Variants in PHC2 observed in about 807,000 individuals in gnomAD.
PHC2 encodes the protein polyhomeotic homolog 2, also known as polyhomeotic-like protein 2.
A neutral mutation model predicts 87.4 loss-of-function variants in PHC2; 29 were observed. That is an observed-to-expected ratio of 0.33 (90% CI 0.25 to 0.45). PHC2 has a LOEUF of 0.45. Ranked by LOEUF, PHC2 falls within the 20% of genes least tolerant of loss-of-function variation. PHC2 has a pLI of 1.00. For missense variants in PHC2, 857 were observed against 1,136.7 expected, an observed-to-expected ratio of 0.75 and a Z score of 3.54; for synonymous variants, 438 against 461.7, an observed-to-expected ratio of 0.95 and a Z score of 0.66.
At chr1:33,359,660 ATAT>A (rs1647159008) in intron 7 of PHC2, among the ~76,000 whole-genome samples, 1 of 152,260 alleles carries the variant, frequency 6.6e-6, no homozygotes, top group Non-Finnish European at 1.5e-5. Context: ...AATTTGGTAA[ATAT>A]TATGATAGGT....
chr1:33,361,319 C>T (rs1267058672), intron 7 of PHC2, among the ~76,000 whole-genome samples: 3 of 152,122 alleles, frequency 2.0e-5, no homozygotes, highest in Admixed American at 2.0e-4. Context: ...TCAAGGAGGA[C>T]ATAAAGACAC....
In PHC2 at chr1:33,355,184, A is replaced by T; in HGVS notation, c.1046T>A (p.Val349Glu). 2 of 1,608,074 alleles carry T rather than the reference A, an allele frequency of 1.2e-6. No homozygotes were observed. The highest frequency in any genetic ancestry group is 1.7e-6 in the Non-Finnish European group (2 of 1,177,124). The change falls in exon 8 of 15, where the codon GTG becomes GAG. Residue 349 changes from valine to glutamate, a missense_variant. By Grantham distance (121) the Val-to-Glu change is moderately radical (BLOSUM62 -2). Transcript: ENST00000683057. Reference protein sequence around the residue: ...PSSKHLQPQFVIQQQPQPQQQ... With the variant: ...PSSKHLQPQFEIQQQPQPQQQ... ...TTGTGGCTGTGGCTGCTGCTGGATC[A>T]CAAATTGGGGCTGCAGGTGCTTTGA...
intron 1 of PHC2, among the ~76,000 whole-genome samples, chr1:33,391,936 G>T (rs1410965215): frequency 6.6e-6 from 1 of 152,148 alleles, no homozygotes; most frequent in Non-Finnish European, 1.5e-5. Flanking sequence ...TGTAAGGGCA[G>T]GGTCATTGCT....
intron 9 of PHC2, chr1:33,335,083 T>C (rs41265893): frequency 0.026 from 13,040 of 497,080 alleles, 221 homozygotes; most frequent in Non-Finnish European, 0.031. Context: ...GTGGACAACC[T>C]TTCCTAATTC....
chr1:33,325,909 T>C (rs1272530261), intron 14 of PHC2: 4 of 456,644 alleles, frequency 8.8e-6, no homozygotes, highest in Non-Finnish European at 1.8e-5. Flanking sequence ...TAAGGTGCTT[T>C]GAGAGACTGT....
rs1411571089 is a variant in PHC2 at position 33,407,480 on chromosome 1, G to T, written c.-55+23496C>A. On this transcript the variant is annotated intron_variant, in intron 1 of 14. Coordinates refer to ENST00000683057, the MANE Select transcript of PHC2 (RefSeq NM_001385109.1). ...CCTAGTCTATCTATGTCAAAAGTTT[G>T]AGGTTCCCTGGACTACCTGAGTAAC... Among the ~76,000 whole-genome samples, 3 of 152,282 alleles carry T rather than the reference G, an allele frequency of 2.0e-5. No individual in the cohort carries two copies. The East Asian group carries it at 5.8e-4, about 29-fold the overall frequency.
rs1646568524 is a variant in PHC2 at position 33,334,063 on chromosome 1, A to G, written c.1761+27T>C. 4 of 1,568,162 alleles carry G rather than the reference A, an allele frequency of 2.6e-6. No homozygotes were observed. Among genetic ancestry groups the G allele is most frequent in the South Asian group, 1.2e-5 (1 of 84,596 alleles). ...GACACATCCAAAATATACTTAAAAAAAAAAGGGGAAAAGAAGTAGTCCGTA... is the reference window on the plus strand; with the variant it reads ...GACACATCCAAAATATACTTAAAAAGAAAAGGGGAAAAGAAGTAGTCCGTA... On this transcript the variant is annotated intron_variant, in intron 10 of 14. Coordinates refer to ENST00000683057, the MANE Select transcript of PHC2 (RefSeq NM_001385109.1). This position sits in a 1 kb window ranked among gnomAD's most constrained non-coding sequence, Gnocchi z 5.5.
chr1:33,354,985 G>C lies in PHC2; in HGVS notation c.1245C>G (p.His415Gln), dbSNP rs1296938100. ...LPLQCPTANL[H>Q]KPGGSQQCHP... ...GACACTGCTGACTGCCGCCAGGCTT[G>C]TGCAGGTTGGCAGTGGGACACTGGA... Residue 415 changes from histidine to glutamine, a missense_variant, in exon 8 of 15, where the codon CAC becomes CAG. Physicochemically the swap from His to Gln is conservative, Grantham distance 24 (BLOSUM62 0). Coordinates refer to ENST00000683057, the MANE Select transcript of PHC2 (RefSeq NM_001385109.1). 8.7e-6 allele frequency: 14 copies of C among 1,614,098 alleles called. No individual in the cohort carries two copies. The highest frequency in any genetic ancestry group is 1.2e-5 in the Non-Finnish European group (14 of 1,180,058).
At position 33,332,553 on chromosome 1, in the gene PHC2, G is replaced by A; in HGVS notation, c.1762-149C>T. 1 of 952,110 alleles carries A rather than the reference G, an allele frequency of 1.1e-6. No individual in the cohort carries two copies. Among genetic ancestry groups the A allele is most frequent in the Non-Finnish European group, 1.6e-6 (1 of 622,362 alleles). 59.0% of individuals were successfully genotyped at this position (952,110 alleles called of 1,614,324 possible). ...CCCCATGTCATCATCCAAGTGTGCTGGGCTCAAGGCCCTATTTTGCTGGTT... is the reference window on the plus strand; with the variant it reads ...CCCCATGTCATCATCCAAGTGTGCTAGGCTCAAGGCCCTATTTTGCTGGTT... On this transcript the variant is annotated intron_variant, in intron 10 of 14. Transcript: ENST00000683057. This position sits in a 1 kb window ranked among gnomAD's most constrained non-coding sequence, Gnocchi z 4.2.
chr1:33,331,249 G>A lies in PHC2; in HGVS notation c.2006+99C>T, dbSNP rs990793313. ...TGGGTCGAGGAACTAGGAAACTGGA[G>A]AAGCCACCCCTATGGACCTCCTGGG... On this transcript the variant is annotated intron_variant, in intron 12 of 14. Coordinates refer to ENST00000683057, the MANE Select transcript of PHC2 (RefSeq NM_001385109.1). The surrounding 1 kb of genome is among the most constrained non-coding windows in gnomAD (Gnocchi z 5.2). 5 of 594,924 alleles carry A rather than the reference G, an allele frequency of 8.4e-6. 1 individual carries two copies. In the African/African-American group the frequency reaches 9.3e-5, roughly 11 times the overall value. 36.9% of individuals were successfully genotyped at this position (594,924 alleles called of 1,614,324 possible).
chr1:33,367,599 G>A (rs2148319026), intron 6 of PHC2, among the ~76,000 whole-genome samples, 171 bp from the exon 7 acceptor site: 1 of 152,304 alleles, frequency 6.6e-6, no homozygotes, highest in East Asian at 1.9e-4. Context: ...AGCACGTGGA[G>A]TTGCTAAAGA....
intron 1 of PHC2, among the ~76,000 whole-genome samples, chr1:33,407,910 C>A (rs1408472): frequency 0.21 from 31,854 of 152,016 alleles, 5,658 homozygotes; most frequent in African/African-American, 0.49. Flanking sequence ...CAGGAGCTGG[C>A]ATTCCTGATA....
At position 33,349,051 on chromosome 1, in the gene PHC2, A is replaced by G. The variant is rs1570469581; in HGVS notation, c.1558+5350T>C. 2.0e-6 allele frequency: 2 copies of G among 978,998 alleles called. No individual in the cohort carries two copies. Among genetic ancestry groups the G allele is most frequent in the East Asian group, 1.1e-4 (1 of 8,784 alleles). The allele number at this position is 978,998 out of a possible 1,614,324, so 60.6% of individuals were successfully genotyped here. A position where few individuals can be genotyped will look rare whatever the true frequency, so the allele number is the denominator to read the frequency against. ...TGTAAAGAAGCAACAAATATAGTCT[A>G]CCTTCATTTGGCATAGGAAGGAGAG... On this transcript the variant is annotated intron_variant, in intron 9 of 14. Coordinates refer to ENST00000683057, the MANE Select transcript of PHC2 (RefSeq NM_001385109.1). This position sits in a 1 kb window ranked among gnomAD's most constrained non-coding sequence, Gnocchi z 4.2.
intron 9 of PHC2, chr1:33,346,262 G>C: frequency 1.0e-6 from 1 of 985,210 alleles, no homozygotes; most frequent in Non-Finnish European, 1.2e-6. Context: ...GCTCAGAGGG[G>C]CACCTCACTC....
chr1:33,409,042 T>C (rs1224162132), intron 1 of PHC2, among the ~76,000 whole-genome samples: 1 of 152,172 alleles, frequency 6.6e-6, no homozygotes, highest in Non-Finnish European at 1.5e-5. Context: ...AAATACAGAG[T>C]TTGATACTGT....
intron 1 of PHC2, among the ~76,000 whole-genome samples, chr1:33,425,142 G>A (rs1289892060): frequency 6.6e-6 from 1 of 152,144 alleles, no homozygotes; most frequent in Non-Finnish European, 1.5e-5. Flanking sequence ...TTTGGACTAG[G>A]GGTGCTCACT....
At chr1:33,379,949 C>T (rs1033646474) in intron 1 of PHC2, among the ~76,000 whole-genome samples, 3 of 152,148 alleles carry the variant, frequency 2.0e-5, no homozygotes, top group East Asian at 3.9e-4. Context: ...TGTAGTCTCC[C>T]CCTCCCTGAG....
At chr1:33,363,077 CA>C (rs1179408659) in intron 7 of PHC2, 2 of 91,528 alleles carry the variant, frequency 2.2e-5, no homozygotes, top group Non-Finnish European at 4.2e-5. Flanking sequence ...CCACAGCAAC[CA>C]GGGAAATAGT....
chr1:33,428,131 C>G (rs1464998116), intron 1 of PHC2, among the ~76,000 whole-genome samples: 2 of 152,184 alleles, frequency 1.3e-5, no homozygotes, highest in East Asian at 3.8e-4. Context: ...GGCATTATTA[C>G]AGATGAAGAA....
Sources: allele counts gnomAD v4.1 joint callset (sites outside exome capture counted in the v4.1 genomes callset), GRCh38; gene constraint gnomAD v4.1.1; non-coding constraint Gnocchi (gnomAD v3.1); transcripts MANE v1.5; gene names NCBI Gene and HGNC (gene_info 2026-07-23, HGNC 2026-07-21).